Variants in PRP4K observed in about 807,000 individuals in gnomAD.
PRP4K encodes serine/threonine-protein kinase PRP4 homolog.
chr6:4,032,827 G>A, the PRP4K span: 2 of 1,407,330 alleles, frequency 1.4e-6, no homozygotes, highest in Non-Finnish European at 9.3e-7. Flanking sequence ...AGAACTTGTG[G>A]ACCATTAAAA....
the PRP4K span, chr6:4,041,029 T>C: frequency 4.1e-6 from 5 of 1,224,042 alleles, no homozygotes; most frequent in South Asian, 4.7e-5. Flanking sequence ...TATAAGTGGC[T>C]CCATTAATTT....
At chr6:4,043,019 C>T in the PRP4K span, among the ~76,000 whole-genome samples, 1 of 152,042 alleles carries the variant, frequency 6.6e-6, no homozygotes, top group African/African-American at 2.4e-5. Context: ...AAGACTAGAG[C>T]CAGATGATGA....
the PRP4K span, among the ~76,000 whole-genome samples, chr6:4,032,983 G>A: frequency 1.1e-4 from 17 of 152,192 alleles, no homozygotes; most frequent in Admixed American, 1.3e-4. Context: ...TGAGCTTGAT[G>A]ATAGAATTGG....
chr6:4,040,951 CTT>C, the PRP4K span: 1 of 1,586,402 alleles, frequency 6.3e-7, no homozygotes, highest in Non-Finnish European at 8.6e-7. Flanking sequence ...TTACCCATAA[CTT>C]TGTTTTTCCA....
chr6:4,060,356 A>C, the PRP4K span: 9 of 1,468,188 alleles, frequency 6.1e-6, no homozygotes, highest in Non-Finnish European at 8.4e-6. This position sits in a 1 kb window ranked among gnomAD's most constrained non-coding sequence, Gnocchi z 4.7. Flanking sequence ...AATCTGATTT[A>C]AGTTGTATAT....
the PRP4K span, chr6:4,043,679 C>T: frequency 1.2e-6 from 1 of 838,350 alleles, no homozygotes; most frequent in African/African-American, 1.7e-5. Context: ...TTGATTGAAC[C>T]AATAAATACC....
the PRP4K span, chr6:4,060,345 C>CA: frequency 7.1e-7 from 1 of 1,407,064 alleles, no homozygotes; most frequent in Non-Finnish European, 9.7e-7. This position sits in a 1 kb window ranked among gnomAD's most constrained non-coding sequence, Gnocchi z 4.7. Context: ...GACCCCAAAA[C>CA]AATCTGATTT....
At chr6:4,031,807 G>T in the PRP4K span, 3 of 1,613,766 alleles carry the variant, frequency 1.9e-6, no homozygotes, top group Non-Finnish European at 2.5e-6. Flanking sequence ...CCAGCAAAAA[G>T]AACTAAACTT....
the PRP4K span, chr6:4,049,449 T>C: frequency 6.3e-5 from 30 of 478,236 alleles, no homozygotes; most frequent in Admixed American, 7.3e-4. Context: ...ATGCCAGTCA[T>C]GCGGTATTTG....
At chr6:4,057,022 G>A in the PRP4K span, 1 of 1,539,066 alleles carries the variant, frequency 6.5e-7, no homozygotes, top group Non-Finnish European at 8.8e-7. Context: ...TTAAAACTTT[G>A]ATTTTGTTTT....
the PRP4K span, among the ~76,000 whole-genome samples, chr6:4,038,596 T>C: frequency 6.6e-6 from 1 of 152,100 alleles, no homozygotes; most frequent in Non-Finnish European, 1.5e-5. Context: ...CGCTTACTCA[T>C]GTTTCGCTTT....
the PRP4K span, chr6:4,056,577 C>T: frequency 6.3e-6 from 10 of 1,595,924 alleles, no homozygotes; most frequent in Non-Finnish European, 8.5e-6. Flanking sequence ...AGTTCATCCT[C>T]CTCAGGTGGA....
chr6:4,048,872 C>A, the PRP4K span: 52 of 416,604 alleles, frequency 1.2e-4, no homozygotes, highest in East Asian at 2.2e-4. Flanking sequence ...GTTGGATTTA[C>A]ATAAGTGATA....
chr6:4,028,805 T>G, the PRP4K span, among the ~76,000 whole-genome samples: 3 of 152,098 alleles, frequency 2.0e-5, no homozygotes, highest in Non-Finnish European at 4.4e-5. Context: ...TGTCAACTAA[T>G]TAGTAACTTC....
At chr6:4,044,845 G>GTTATTA in the PRP4K span, among the ~76,000 whole-genome samples, 4 of 135,240 alleles carry the variant, frequency 3.0e-5, no homozygotes, top group African/African-American at 8.0e-5. Flanking sequence ...ACAATATATG[G>GTTATTA]TTATTATTAT....
At chr6:4,052,649 T>C in the PRP4K span, 1 of 1,262,368 alleles carries the variant, frequency 7.9e-7, no homozygotes, top group Admixed American at 2.8e-5. Context: ...GCAAATGTTT[T>C]TGCCTTTTTA....
the PRP4K span, among the ~76,000 whole-genome samples, chr6:4,023,482 G>C: frequency 3.3e-5 from 5 of 152,180 alleles, no homozygotes; most frequent in African/African-American, 9.7e-5. Flanking sequence ...CTATTGTACT[G>C]TCTGGCCTCC....
At chr6:4,052,788 C>T in the PRP4K span, 1 of 1,606,416 alleles carries the variant, frequency 6.2e-7, no homozygotes, top group Non-Finnish European at 8.5e-7. Context: ...GCTGTAAGAT[C>T]CTATAGTCAG....
At chr6:4,059,368 C>G in the PRP4K span, among the ~76,000 whole-genome samples, 2 of 152,130 alleles carry the variant, frequency 1.3e-5, no homozygotes, top group Admixed American at 6.5e-5. Context: ...TGCCTCACCC[C>G]CAACCCCCTA....
Sources: allele counts gnomAD v4.1 joint callset (sites outside exome capture counted in the v4.1 genomes callset), GRCh38; gene constraint gnomAD v4.1.1; non-coding constraint Gnocchi (gnomAD v3.1); transcripts MANE v1.5; gene names NCBI Gene and HGNC (gene_info 2026-07-23, HGNC 2026-07-21).